Variants in RSPO3 observed in about 807,000 individuals in gnomAD.
The protein encoded by RSPO3 is R-spondin 3, also known as R-spondin-3.
RSPO3 carries 17 observed loss-of-function variants against 36.5 expected under a neutral mutation model. The ratio of observed to expected loss-of-function variants is 0.47; its 90% confidence interval spans 0.32 to 0.70. The LOEUF (loss-of-function observed/expected upper bound fraction) is 0.70. RSPO3 is among the 30% of genes least tolerant of loss of function. The probability of loss-of-function intolerance (pLI) is 0.04; values close to 1 mark genes in which losing one functional copy is unlikely to be tolerated. For missense variants in RSPO3, 294 were observed against 322.5 expected, an observed-to-expected ratio of 0.91 and a Z score of 0.68; for synonymous variants, 108 against 107.0, an observed-to-expected ratio of 1.01 and a Z score of -0.06.
intron 1 of RSPO3, among the ~76,000 whole-genome samples, chr6:127,138,465 T>C (rs539990032): frequency 2.0e-5 from 3 of 152,306 alleles, no homozygotes; most frequent in South Asian, 4.1e-4. Flanking sequence ...AGCCTCAGTA[T>C]GTATCCTCTT....
chr6:127,163,203 T>A (rs192539014), intron 4 of RSPO3, among the ~76,000 whole-genome samples: 6 of 152,238 alleles, frequency 3.9e-5, no homozygotes, highest in Admixed American at 1.3e-4. Context: ...AGTAAATATT[T>A]CTCCAGCAAA....
chr6:127,188,410 C>A (rs996252027), intron 4 of RSPO3, among the ~76,000 whole-genome samples: 1 of 152,030 alleles, frequency 6.6e-6, no homozygotes, highest in Non-Finnish European at 1.5e-5. Context: ...GCATTCAAAC[C>A]TCAAGTAGCA....
intron 4 of RSPO3, among the ~76,000 whole-genome samples, chr6:127,166,214 C>T (rs2114609396): frequency 6.6e-6 from 1 of 152,072 alleles, no homozygotes; most frequent in African/African-American, 2.4e-5. Flanking sequence ...GGACGTCTTT[C>T]TAATTCATCT....
intron 4 of RSPO3, among the ~76,000 whole-genome samples, chr6:127,181,923 G>A (rs990004718): frequency 6.6e-6 from 1 of 151,762 alleles, no homozygotes; most frequent in Admixed American, 6.6e-5. Context: ...AAAAAAAGAG[G>A]TTTATTTGGC....
At position 127,197,306 on chromosome 6, in the gene RSPO3, A is replaced by T; in HGVS notation, c.*1299A>T. 1 of 1,327,858 alleles carries T rather than the reference A, an allele frequency of 7.5e-7. No individual in the cohort carries two copies. Among genetic ancestry groups the T allele is most frequent in the African/African-American group, 1.5e-5 (1 of 68,240 alleles). The allele number at this position is 1,327,858 out of a possible 1,614,324, so 82.3% of individuals were successfully genotyped here. ...ATAGACACATGGGCCTCCCTAGCTG[A>T]TTTCACTGCTCCCCCTTCATTGCTT... On this transcript the variant is annotated 3_prime_UTR_variant, in exon 5 of 5. Transcript: ENST00000356698.
At position 127,118,817 on chromosome 6, in the gene RSPO3, C is replaced by A. The variant is rs924784399; in HGVS notation, c.-376C>A. On this transcript the variant is annotated 5_prime_UTR_variant, in exon 1 of 5. Transcript: ENST00000356698. ...AGCCGCAGCCGCCGCAGCTTCTGAGCCCAAGGGGCCGCCGCTGCAGCCGCC... is the reference window on the plus strand; with the variant it reads ...AGCCGCAGCCGCCGCAGCTTCTGAGACCAAGGGGCCGCCGCTGCAGCCGCC... The A allele has an allele frequency of 1.9e-5, 3 of 159,480 alleles. No homozygotes were observed. Among genetic ancestry groups the A allele is most frequent in the African/African-American group, 4.8e-5 (2 of 41,464 alleles). The allele number at this position is 159,480 out of a possible 1,614,324, so 9.9% of individuals were successfully genotyped here.
At chr6:127,195,682 T>C in intron 4 of RSPO3, 141 bp from the exon 5 acceptor site, 1 of 587,894 alleles carries the variant, frequency 1.7e-6, no homozygotes, top group East Asian at 3.1e-5. Flanking sequence ...TTAATAATAG[T>C]TGAATGATTG....
Position 127,144,149 on chromosome 6 carries a change from A to G in RSPO3, c.98-4499A>G, listed in dbSNP as rs973909728. On this transcript the variant is annotated intron_variant, in intron 1 of 4. Transcript: ENST00000356698. ...CACCCTTTTTGTACAACTAACCATA[A>G]TAAACAAGTTAAGAAATAATAGTTC... is the stretch of plus-strand genomic sequence containing the variant. Among the ~76,000 whole-genome samples, 8 of 152,322 alleles carry G rather than the reference A, an allele frequency of 5.3e-5. No individual in the cohort carries two copies. The East Asian group carries it at 1.3e-3, about 26-fold the overall frequency.
At chr6:127,171,601 G>A (rs1020240959) in intron 4 of RSPO3, among the ~76,000 whole-genome samples, 1 of 151,684 alleles carries the variant, frequency 6.6e-6, no homozygotes, top group Non-Finnish European at 1.5e-5. Context: ...CCTTTAGCTT[G>A]TTGTAATGTT....
chr6:127,122,430 T>C (rs1032581926), intron 1 of RSPO3, among the ~76,000 whole-genome samples: 6 of 152,152 alleles, frequency 3.9e-5, no homozygotes, highest in Admixed American at 1.3e-4. Context: ...AGAATCTTAG[T>C]GGGGCCTCAC....
intron 1 of RSPO3, among the ~76,000 whole-genome samples, chr6:127,140,634 A>G (rs1263874328): frequency 6.6e-6 from 1 of 152,224 alleles, no homozygotes; most frequent in Non-Finnish European, 1.5e-5. Flanking sequence ...TAAAGTAACT[A>G]TATCAGACAA....
At chr6:127,129,505 C>G (rs895105242) in intron 1 of RSPO3, among the ~76,000 whole-genome samples, 1 of 152,010 alleles carries the variant, frequency 6.6e-6, no homozygotes, top group Non-Finnish European at 1.5e-5. Flanking sequence ...CTGAAGAAAG[C>G]CAGGCTCCTT....
chr6:127,154,361 A>C (rs1340916395), intron 3 of RSPO3, among the ~76,000 whole-genome samples: 1 of 152,128 alleles, frequency 6.6e-6, no homozygotes, highest in East Asian at 1.9e-4. Context: ...GAAGTTCAAA[A>C]ATCTGTTACA....
intron 1 of RSPO3, among the ~76,000 whole-genome samples, chr6:127,128,234 T>C (rs2114543148): frequency 6.6e-6 from 1 of 152,206 alleles, no homozygotes; most frequent in South Asian, 2.1e-4. Flanking sequence ...GTTATTTATA[T>C]TACTTTTACC....
chr6:127,193,671 A>C (rs1428862120), intron 4 of RSPO3, among the ~76,000 whole-genome samples: 1 of 152,186 alleles, frequency 6.6e-6, no homozygotes, highest in Admixed American at 6.5e-5. Context: ...CTGTTTGTAC[A>C]GTTTTATAAA....
At chr6:127,123,503 A>G (rs1366999358) in intron 1 of RSPO3, among the ~76,000 whole-genome samples, 1 of 152,156 alleles carries the variant, frequency 6.6e-6, no homozygotes, top group African/African-American at 2.4e-5. Flanking sequence ...AATGCAAGGA[A>G]AAACATCTTT....
chr6:127,180,513 A>C (rs989004927), intron 4 of RSPO3, among the ~76,000 whole-genome samples: 1 of 150,248 alleles, frequency 6.7e-6, no homozygotes, highest in African/African-American at 2.4e-5. Flanking sequence ...AAAAAAAAAA[A>C]AACCACCAGA....
At chr6:127,120,215 A>G (rs1773814387) in intron 1 of RSPO3, among the ~76,000 whole-genome samples, 1 of 152,198 alleles carries the variant, frequency 6.6e-6, no homozygotes, top group Admixed American at 6.5e-5. Flanking sequence ...TCTGAAAGGT[A>G]GAATCTTCCC....
At chr6:127,125,586 ACTTGT>A (rs1421591803) in intron 1 of RSPO3, among the ~76,000 whole-genome samples, 3 of 152,198 alleles carry the variant, frequency 2.0e-5, no homozygotes, top group Non-Finnish European at 4.4e-5. Context: ...TTAAATAATA[ACTTGT>A]CTTATTCAAC....
Sources: gnomAD v4.1 joint callset for allele counts (sites outside exome capture counted in the v4.1 genomes callset) on GRCh38, gnomAD v4.1.1 for gene constraint, MANE v1.5 for transcripts, NCBI Gene and HGNC (gene_info 2026-07-23, HGNC 2026-07-21) for gene names.